MYH6: variants seen among roughly 807,000 people sequenced by gnomAD.
The protein encoded by MYH6 is myosin-6.
In MYH6, 126 loss-of-function variants were observed where a neutral mutation model predicts 223.2. That is an observed-to-expected ratio of 0.56 (90% CI 0.49 to 0.65). The LOEUF (loss-of-function observed/expected upper bound fraction) is 0.65. Among genes scored for constraint, MYH6 ranks in the 30% least tolerant of loss-of-function variants. MYH6 has a pLI of 0.00. For missense variants in MYH6, 2,040 were observed against 2,536.4 expected (o/e 0.80, Z 4.20); for synonymous variants, 978 against 1,010.2 (o/e 0.97, Z 0.61).
At position 23,397,542 on chromosome 14, in the gene MYH6, C is replaced by A. The variant is rs1301637160; in HGVS notation, c.1962+1G>T. The A allele has an allele frequency of 1.2e-6, 2 of 1,614,166 alleles. No homozygotes were observed. Among genetic ancestry groups the A allele is most frequent in the African/African-American group, 2.7e-5 (2 of 75,052 alleles). On this transcript the variant is annotated splice_donor_variant, in intron 16 of 38. Transcript: ENST00000405093. LOFTEE classifies it high-confidence loss of function. ...TCCTGGCACCCCTGGGCCCTTCTTA[C>A]CCGGTGGAGAGCCGACACCGTCTGG...
In MYH6 at chr14:23,388,269, T is replaced by G; in HGVS notation, c.4245A>C (p.Ser1415=). ...AVEAVNAKCS[S]LEKTKHRLQN... ...GTAGCCGGTGCTTGGTCTTCTCCAG[T>G]GAGGAGCACTTGGCATTAACAGCCT... The change falls in exon 30 of 39, where the codon TCA becomes TCC. Residue 1415 remains serine (S), a synonymous_variant. Coordinates refer to ENST00000405093, the MANE Select transcript of MYH6 (RefSeq NM_002471.4). 6.2e-7 allele frequency: 1 copy of G among 1,613,136 alleles called. No homozygotes were observed. Among genetic ancestry groups the G allele is most frequent in the East Asian group, 2.2e-5 (1 of 44,880 alleles).
chr14:23,397,956 T>TTCTTCTTCTTTTTCTTCTTCC (rs1891467504), intron 15 of MYH6, among the ~76,000 whole-genome samples: 1 of 106,956 alleles, frequency 9.3e-6, no homozygotes, highest in Non-Finnish European at 1.9e-5. Flanking sequence ...CTTCTTCTTC[T>TTCTTCTTCTTTTTCTTCTTCC]TCTTCTTCTT....
In MYH6 at chr14:23,386,667, A is replaced by G. The variant is rs1257923414; in HGVS notation, c.4651-44T>C. 5 of 1,565,906 alleles carry G rather than the reference A, an allele frequency of 3.2e-6. No homozygotes were observed. In the Admixed American group the frequency reaches 7.1e-5, roughly 22 times the overall value. ...AGGGCGGGCAGACAGGGCACAGGGCAGGGTTGAGAGGGAGGATGAGAAGAT... is the reference window on the plus strand; with the variant it reads ...AGGGCGGGCAGACAGGGCACAGGGCGGGGTTGAGAGGGAGGATGAGAAGAT... On this transcript the variant is annotated intron_variant, in intron 32 of 38. Coordinates refer to ENST00000405093, the MANE Select transcript of MYH6 (RefSeq NM_002471.4).
At chr14:23,396,536 T>C in intron 19 of MYH6, 116 bp from the exon 20 acceptor site, 1 of 1,564,538 alleles carries the variant, frequency 6.4e-7, no homozygotes, top group Admixed American at 1.9e-5. Context: ...GAAGTAAGAG[T>C]AAAAATTTGA....
rs1156673310 is a variant in MYH6 at position 23,407,720 on chromosome 14, C to T, written c.-46-112G>A. ...GGCCACCCGGGGATGGAGGCAGCCC[C>T]AGAGCGCAGACAGGCAGGACAGACC... On this transcript the variant is annotated intron_variant, in intron 1 of 38. Transcript: ENST00000405093. The surrounding 1 kb of genome is among the most constrained non-coding windows in gnomAD (Gnocchi z 5.6). 2 of 752,768 alleles carry T rather than the reference C, an allele frequency of 2.7e-6. No individual in the cohort carries two copies. The highest frequency in any genetic ancestry group is 4.3e-5 in the South Asian group (1 of 23,310). 46.6% of individuals were successfully genotyped at this position (752,768 alleles called of 1,614,324 possible).
intron 26 of MYH6, 94 bp downstream of exon 26, chr14:23,389,963 A>G: frequency 1.9e-6 from 3 of 1,609,946 alleles, no homozygotes; most frequent in Middle Eastern, 3.9e-4. Context: ...GAAGAGAATG[A>G]GAATGACAAG....
intron 36 of MYH6, 21 bp from the exon 37 acceptor site, chr14:23,383,341 G>GGGGGGCCCCCCCCCCCCCC: frequency 1.8e-6 from 1 of 556,566 alleles, no homozygotes. Context: ...GAGGGTGGGA[G>GGGGGGCCCCCCCCCCCCCC]AAGCTGGTTT....
chr14:23,382,609 T>C, intron 37 of MYH6, 47 bp from the exon 38 acceptor site: 1 of 1,614,072 alleles, frequency 6.2e-7, no homozygotes, highest in Non-Finnish European at 8.5e-7. Context: ...AGATGGGCTA[T>C]GGGATTCTCA....
chr14:23,386,178 C>T lies in MYH6; in HGVS notation c.4960-47G>A, dbSNP rs113630577. The T allele has an allele frequency of 4.1e-5, 66 of 1,613,566 alleles. 1 individual carries two copies. The African/African-American group carries it at 5.7e-4, about 14-fold the overall frequency. ...GTGAGCAGAAGCCAGCCTCGGTGCC[C>T]TTCACTGAGGGCACCTGTCAGAGGT... is the stretch of plus-strand genomic sequence containing the variant. On this transcript the variant is annotated intron_variant, in intron 33 of 38. Transcript: ENST00000405093.
intron 35 of MYH6, 57 bp from the exon 36 acceptor site, chr14:23,384,774 C>T (rs1225964434): frequency 1.2e-6 from 2 of 1,613,810 alleles, no homozygotes; most frequent in Non-Finnish European, 1.7e-6. Context: ...GCCTTTTGCC[C>T]CCCAAGGATC....
chr14:23,406,487 A>G (rs1438138131), intron 3 of MYH6, among the ~76,000 whole-genome samples: 1 of 152,220 alleles, frequency 6.6e-6, no homozygotes, highest in African/African-American at 2.4e-5. Context: ...TGAGGCACAC[A>G]GCCCTGAGCC....
chr14:23,382,246 T>C (rs1890883549), intron 38 of MYH6, among the ~76,000 whole-genome samples, 182 bp downstream of exon 38: 1 of 151,926 alleles, frequency 6.6e-6, no homozygotes, highest in Non-Finnish European at 1.5e-5. Context: ...TGGGGATCTC[T>C]GCAGAAGTTC....
chr14:23,389,043 G>A lies in MYH6; in HGVS notation c.3991C>T (p.Leu1331=). Residue 1331 remains leucine (L), a synonymous_variant, in exon 29 of 39, where the codon CTG becomes TTG. Coordinates refer to ENST00000405093, the MANE Select transcript of MYH6 (RefSeq NM_002471.4). Reference sequence around the variant, plus strand: ...CGGGCCGACTGCAGTGCATGGGCCAGGGCGTTCTTCGCCTGGGGAGGGGGG... The same window carrying A: ...CGGGCCGACTGCAGTGCATGGGCCAAGGCGTTCTTCGCCTGGGGAGGGGGG... ...LEEEGKAKNA[L]AHALQSARHD... 1.3e-6 allele frequency: 2 copies of A among 1,592,840 alleles called. No individual in the cohort carries two copies. Among genetic ancestry groups the A allele is most frequent in the Admixed American group, 1.7e-5 (1 of 58,400 alleles).
rs369767936 is a variant in MYH6 at position 23,386,374 on chromosome 14, C to T, written c.4900G>A (p.Ala1634Thr). 40 of 1,614,016 alleles carry T rather than the reference C, an allele frequency of 2.5e-5. No homozygotes were observed. In the Middle Eastern group the frequency reaches 6.6e-4, roughly 27 times the overall value. The change falls in exon 33 of 39, where the codon GCC becomes ACC. Residue 1634 changes from alanine to threonine, a missense_variant. This residue lies in a region of MYH6 where 1,203 missense variants were observed against 1,400.2 expected (regional missense o/e 0.86). Transcript: ENST00000405093. The part of the protein sequence containing the change: ...LNEMEIQLSH[A>T]NRMAAEAQKQ... ...TGGGCCTCGGCAGCCATGCGGTTGG[C>T]GTGGCTGAGCTGGATCTCCATCTCA...
chr14:23,401,041 C>T, intron 12 of MYH6, 64 bp from the exon 13 acceptor site: 1 of 1,569,946 alleles, frequency 6.4e-7, no homozygotes, highest in Non-Finnish European at 8.6e-7. Flanking sequence ...GAGGCTTGCT[C>T]TGTCACCCAG....
intron 20 of MYH6, 110 bp downstream of exon 20, chr14:23,396,174 G>T: frequency 1.4e-6 from 2 of 1,396,596 alleles, no homozygotes; most frequent in Non-Finnish European, 1.0e-6. Context: ...AAAGTAACTT[G>T]CCCAGGCCAG....
intron 13 of MYH6, 111 bp from the exon 14 acceptor site, chr14:23,400,537 T>C: frequency 1.3e-6 from 2 of 1,591,196 alleles, no homozygotes; most frequent in Non-Finnish European, 1.7e-6. Flanking sequence ...CCCCTCCATG[T>C]CAGGGCAGTG....
At position 23,383,753 on chromosome 14, in the gene MYH6, T is replaced by C. The variant is rs117087343; in HGVS notation, c.5566-433A>G. Among the ~76,000 whole-genome samples, 335 of 152,312 alleles carry C rather than the reference T, an allele frequency of 2.2e-3. 1 individual carries two copies. The highest frequency in any genetic ancestry group is 3.7e-3 in the Non-Finnish European group (254 of 68,026). On this transcript the variant is annotated intron_variant, in intron 36 of 38. Transcript: ENST00000405093. Reference sequence around the variant, plus strand: ...ATCCAGATTATTCTACATTCTAATATATTGTACTGGGCCAGAATTCAGGCA... The same window carrying C: ...ATCCAGATTATTCTACATTCTAATACATTGTACTGGGCCAGAATTCAGGCA...
At chr14:23,388,370 G>C in intron 29 of MYH6, 32 bp from the exon 30 acceptor site, 1 of 1,610,466 alleles carries the variant, frequency 6.2e-7, no homozygotes, top group Non-Finnish European at 8.5e-7. Context: ...GTGTGTGTGT[G>C]ACTCTACTGG....
Sources: gnomAD v4.1 joint callset for allele counts (sites outside exome capture counted in the v4.1 genomes callset) on GRCh38, gnomAD v4.1.1 for gene constraint, gnomAD v4.1.1 regional missense constraint, Gnocchi (gnomAD v3.1) non-coding constraint, MANE v1.5 for transcripts, NCBI Gene and HGNC (gene_info 2026-07-23, HGNC 2026-07-21) for gene names.